Variants in RBM33 observed in about 807,000 individuals in gnomAD.
The protein encoded by RBM33 is RNA-binding protein 33.
RBM33 carries 28 observed loss-of-function variants against 132.6 expected under a neutral mutation model. The ratio of observed to expected loss-of-function variants is 0.21; its 90% CI spans 0.16 to 0.29. The LOEUF (loss-of-function observed/expected upper bound fraction) is 0.29, where lower values mean the gene tolerates loss of function less well. Ranked by LOEUF, RBM33 falls within the 10% of genes least tolerant of loss-of-function variation. The probability of loss-of-function intolerance (pLI) is 1.00; values close to 1 mark genes in which losing one functional copy is unlikely to be tolerated. For synonymous variants in RBM33, 634 were observed against 593.0 expected (o/e 1.07, Z -1.01); for missense variants, 1,291 against 1,518.5 (o/e 0.85, Z 2.49).
At chr7:155,689,987 C>T (rs139718995) in intron 5 of RBM33, among the ~76,000 whole-genome samples, 5,702 of 152,214 alleles carry the variant, frequency 0.037, 121 homozygotes, top group Non-Finnish European at 0.058. Context: ...CTATTAGGTC[C>T]GCTTGGTGCA....
intron 4 of RBM33, 36 bp downstream of exon 4, chr7:155,678,720 TTAAC>T (rs759629136): frequency 3.0e-5 from 31 of 1,028,830 alleles, no homozygotes; most frequent in Middle Eastern, 2.3e-4. Context: ...TGTTCTTTAT[TTAAC>T]TAAATTGATA....
At chr7:155,766,057 T>G (rs34229583) in intron 15 of RBM33, among the ~76,000 whole-genome samples, 15,643 of 152,118 alleles carry the variant, frequency 0.1, 954 homozygotes, top group East Asian at 0.28. Flanking sequence ...CAGGTCCTGC[T>G]TAAACCAGCC....
At chr7:155,734,004 C>T (rs1272115910) in intron 9 of RBM33, among the ~76,000 whole-genome samples, 2 of 152,224 alleles carry the variant, frequency 1.3e-5, no homozygotes. Context: ...ACACCTCATG[C>T]CAGCTGTTCC....
chr7:155,700,546 C>CT (rs529323301), intron 5 of RBM33, among the ~76,000 whole-genome samples: 1,549 of 85,568 alleles, frequency 0.018, 152 homozygotes, highest in Non-Finnish European at 0.03. Flanking sequence ...AGAATTTGAC[C>CT]TTTTTTTTTT....
chr7:155,669,229 G>C (rs1304908929), intron 2 of RBM33, among the ~76,000 whole-genome samples: 1 of 152,188 alleles, frequency 6.6e-6, no homozygotes, highest in Non-Finnish European at 1.5e-5. Context: ...TGCTGTACTG[G>C]TAGTGGTGTT....
At chr7:155,684,920 T>TA (rs1163924036) in intron 5 of RBM33, 3 of 1,547,990 alleles carry the variant, frequency 1.9e-6, no homozygotes, top group Non-Finnish European at 2.6e-6. Flanking sequence ...GTTTTCTCTT[T>TA]AATGGCTGTT....
At chr7:155,772,351 A>G (rs1242883021) in intron 16 of RBM33, among the ~76,000 whole-genome samples, 1 of 152,212 alleles carries the variant, frequency 6.6e-6, no homozygotes, top group Admixed American at 6.5e-5. Context: ...ACAGCCCCTT[A>G]CCTGGGAACA....
At chr7:155,725,257 A>G (rs1368510692) in intron 9 of RBM33, among the ~76,000 whole-genome samples, 1 of 131,262 alleles carries the variant, frequency 7.6e-6, no homozygotes, top group African/African-American at 2.9e-5. Context: ...TAGAGCATAT[A>G]TGGTTGAAAA....
At position 155,714,188 on chromosome 7, in the gene RBM33, A is replaced by G. The variant is rs142489801; in HGVS notation, c.1201+2733A>G. ...TCTGTCCAGCTGCGCTCATCTGCGC[A>G]CACTAGGTGTGGAATAGGCAGGCAG... On this transcript the variant is annotated intron_variant, in intron 8 of 17. Transcript: ENST00000401878. Among the ~76,000 whole-genome samples, 310 of 152,280 alleles carry G rather than the reference A, an allele frequency of 2.0e-3. 7 individuals are homozygous for G. The East Asian group carries it at 0.044, about 22-fold the overall frequency.
At chr7:155,714,193 A>G (rs1800392645) in intron 8 of RBM33, among the ~76,000 whole-genome samples, 1 of 152,120 alleles carries the variant, frequency 6.6e-6, no homozygotes, top group Non-Finnish European at 1.5e-5. Flanking sequence ...TGCGCACACT[A>G]GGTGTGGAAT....
intron 1 of RBM33, among the ~76,000 whole-genome samples, chr7:155,655,803 C>T (rs1798477554): frequency 1.3e-5 from 2 of 152,092 alleles, no homozygotes; most frequent in African/African-American, 4.8e-5. Context: ...CACCTGTGTT[C>T]TCAGCTACTT....
At chr7:155,684,997 C>G (rs1799434489) in intron 5 of RBM33, 7 of 1,550,290 alleles carry the variant, frequency 4.5e-6, no homozygotes, top group Non-Finnish European at 6.1e-6. Context: ...GACTGTGTGG[C>G]TGAAGATGAA....
At chr7:155,761,891 C>T (rs576087649) in intron 14 of RBM33, among the ~76,000 whole-genome samples, 1 of 152,222 alleles carries the variant, frequency 6.6e-6, no homozygotes, top group South Asian at 2.1e-4. Flanking sequence ...AGATGTTTTT[C>T]CTTTTTGATG....
rs1321343677 is a variant in RBM33 at position 155,759,439 on chromosome 7, A to T, written c.2980-4373A>T. Among the ~76,000 whole-genome samples, 769 of 110,910 alleles carry T rather than the reference A, an allele frequency of 6.9e-3. 15 individuals carry two copies. The highest frequency in any genetic ancestry group is 0.027 in the African/African-American group (716 of 26,960). 72.8% of individuals were successfully genotyped at this position (110,910 alleles called of 152,430 possible). A position where few individuals can be genotyped will look rare whatever the true frequency, so the allele number is the denominator to read the frequency against. ...TCTTTTTTTTTTTTTTTTTTTTGAG[A>T]TGGAGTCTCGCTCTGTCTCCCAGGC... On this transcript the variant is annotated intron_variant, in intron 14 of 17. Transcript: ENST00000401878.
chr7:155,711,099 A>G, intron 7 of RBM33, 104 bp from the exon 8 acceptor site: 4 of 1,395,428 alleles, frequency 2.9e-6, no homozygotes, highest in Non-Finnish European at 3.7e-6. Flanking sequence ...CAATCAGTGT[A>G]AATTTGTAAC....
In RBM33 at chr7:155,706,919, A is replaced by G. The variant is rs1800131682; in HGVS notation, c.799A>G (p.Lys267Glu). The change falls in exon 7 of 18, where the codon AAA (lysine) becomes GAA (glutamate). Residue 267 changes from lysine to glutamate, a missense_variant. By Grantham distance (56) the Lys-to-Glu change is moderately conservative. Transcript: ENST00000401878. The stretch of plus-strand genomic sequence containing the variant: ...ATTTGAAGAAAGGGAGCGACAGCAT[A>G]AACAAGGACGCTACAGCTCCAGGCG... ...LEFEERERQH[K>E]QGRYSSRRGG... 6.2e-7 allele frequency: 1 copy of G among 1,607,562 alleles called. No individual in the cohort carries two copies. Among genetic ancestry groups the G allele is most frequent in the Non-Finnish European group, 8.5e-7 (1 of 1,177,172 alleles).
intron 9 of RBM33, among the ~76,000 whole-genome samples, chr7:155,737,245 C>CAT (rs35173349): frequency 0.042 from 6,229 of 149,224 alleles, 396 homozygotes; most frequent in African/African-American, 0.14. Context: ...TCTAGGTGCG[C>CAT]GTGTGTGTGT....
chr7:155,764,137 C>G (rs937477275), intron 15 of RBM33, 119 bp downstream of exon 15: 31 of 769,012 alleles, frequency 4.0e-5, no homozygotes, highest in East Asian at 3.0e-4. Context: ...CATAAGTGAA[C>G]CATCATTTCC....
chr7:155,683,684 C>T (rs1328277361), intron 5 of RBM33, among the ~76,000 whole-genome samples: 1 of 152,192 alleles, frequency 6.6e-6, no homozygotes, highest in Non-Finnish European at 1.5e-5. Context: ...ATTGTGATTT[C>T]ATTTGAAAAT....
Sources: allele counts gnomAD v4.1 joint callset (sites outside exome capture counted in the v4.1 genomes callset), GRCh38; gene constraint gnomAD v4.1.1; transcripts MANE v1.5; gene names NCBI Gene and HGNC (gene_info 2026-07-23, HGNC 2026-07-21).